MAP4K3: variants seen among roughly 807,000 people sequenced by gnomAD.
The protein encoded by MAP4K3 is MAPK/ERK kinase kinase kinase 3.
MAP4K3 carries 94 observed loss-of-function variants against 143.5 expected under a neutral mutation model. The observed-to-expected ratio is 0.65, with a 90% CI of 0.55 to 0.78. MAP4K3 has a LOEUF of 0.78. Ranked by LOEUF, MAP4K3 falls within the 30% of genes least tolerant of loss-of-function variation. The probability of loss-of-function intolerance (pLI) is 0.00; values close to 1 mark genes in which losing one functional copy is unlikely to be tolerated. For missense variants in MAP4K3, 1,077 were observed against 1,068.1 expected, an observed-to-expected ratio of 1.01 and a Z score of -0.12; for synonymous variants, 416 against 347.2, an observed-to-expected ratio of 1.20 and a Z score of -2.20.
intron 21 of MAP4K3, among the ~76,000 whole-genome samples, chr2:39,282,853 T>G (rs1681596691): frequency 6.6e-6 from 1 of 152,202 alleles, no homozygotes; most frequent in Non-Finnish European, 1.5e-5. Context: ...CATGTTCCCA[T>G]AGAAAATAGT....
intron 21 of MAP4K3, among the ~76,000 whole-genome samples, chr2:39,284,785 A>G (rs1174516740): frequency 6.6e-6 from 1 of 151,964 alleles, no homozygotes; most frequent in Non-Finnish European, 1.5e-5. Context: ...TGGAGGTTGC[A>G]GTGAGCCAAA....
chr2:39,278,813 T>C (rs1681386203), intron 23 of MAP4K3, among the ~76,000 whole-genome samples: 2 of 152,180 alleles, frequency 1.3e-5, no homozygotes, highest in African/African-American at 4.8e-5. Context: ...CAGGATCATG[T>C]GCAACTGACA....
At chr2:39,405,434 C>T (rs1256971619) in intron 1 of MAP4K3, among the ~76,000 whole-genome samples, 1 of 152,122 alleles carries the variant, frequency 6.6e-6, no homozygotes, top group East Asian at 1.9e-4. Context: ...ATCTGCAAGG[C>T]CTTCCCAAGA....
intron 15 of MAP4K3, among the ~76,000 whole-genome samples, chr2:39,307,343 A>G (rs1220347067): frequency 1.3e-5 from 2 of 152,122 alleles, no homozygotes; most frequent in African/African-American, 2.4e-5. Context: ...GACAGTATTT[A>G]TAACTTCAGG....
intron 1 of MAP4K3, among the ~76,000 whole-genome samples, chr2:39,411,670 T>C (rs1572501380): frequency 6.6e-6 from 1 of 152,326 alleles, no homozygotes; most frequent in African/African-American, 2.4e-5. Context: ...CAGTTCTAAG[T>C]GCATCAAGTA....
intron 24 of MAP4K3, among the ~76,000 whole-genome samples, chr2:39,276,314 T>A (rs905008563): frequency 1.3e-5 from 2 of 152,240 alleles, no homozygotes; most frequent in African/African-American, 4.8e-5. Flanking sequence ...TCTGTTACTG[T>A]CAGGCACCCA....
At chr2:39,428,141 T>A (rs1448887133) in intron 1 of MAP4K3, among the ~76,000 whole-genome samples, 1 of 152,244 alleles carries the variant, frequency 6.6e-6, no homozygotes, top group African/African-American at 2.4e-5. Flanking sequence ...CTTAGGCATG[T>A]TCCTTAGATG....
At position 39,288,265 on chromosome 2, in the gene MAP4K3, T is replaced by G. The variant is rs140890267; in HGVS notation, c.1330A>C (p.Ile444Leu). Residue 444 changes from isoleucine (I) to leucine (L), a missense_variant, in exon 20 of 34, where the codon ATA becomes CTA. Physicochemically the swap from Ile to Leu is conservative, Grantham distance 5. Transcript: ENST00000263881. Reference sequence around the variant, plus strand: ...TCAGTAGAATGCATTTCCTGTGGTATGAAGATAGACTTAGGCTGAAATAAT... The same window carrying G: ...TCAGTAGAATGCATTTCCTGTGGTAGGAAGATAGACTTAGGCTGAAATAAT... ...PLPPKPKSIFIPQEMHSTEDE... is the reference protein window; with the variant it reads ...PLPPKPKSIFLPQEMHSTEDE... 4.3e-5 allele frequency: 69 copies of G among 1,613,758 alleles called. No homozygotes were observed. The highest frequency in any genetic ancestry group is 5.8e-5 in the Non-Finnish European group (68 of 1,179,802).
At chr2:39,341,380 C>T (rs539046391) in intron 4 of MAP4K3, among the ~76,000 whole-genome samples, 12 of 152,050 alleles carry the variant, frequency 7.9e-5, no homozygotes, top group Admixed American at 2.0e-4. Flanking sequence ...TTCAGGAGGC[C>T]GGGCGTGGTA....
At chr2:39,295,845 A>C (rs1183292830) in intron 16 of MAP4K3, among the ~76,000 whole-genome samples, 1 of 151,038 alleles carries the variant, frequency 6.6e-6, no homozygotes, top group African/African-American at 2.4e-5. Flanking sequence ...CAGCCTCCCG[A>C]GTAGCTAGGA....
rs1256680448 is a variant in MAP4K3 at position 39,325,780 on chromosome 2, C to A, written c.757G>T (p.Ala253Ser). The A allele has an allele frequency of 6.2e-7, 1 of 1,609,410 alleles. No individual in the cohort carries two copies. The highest frequency in any genetic ancestry group is 8.5e-7 in the Non-Finnish European group (1 of 1,178,356). The stretch of plus-strand genomic sequence containing the variant: ...CTTTTTTTCGGATTTTTGGTAAGTG[C>A]CATTTTCACAAAGTGATGAAAACTA... ...SNSFHHFVKMALTKNPKKRPT... is the reference protein window; with the variant it reads ...SNSFHHFVKMSLTKNPKKRPT... The change falls in exon 11 of 34, where the codon GCA becomes TCA. Residue 253 changes from alanine to serine, a missense_variant. By Grantham distance (99) the Ala-to-Ser change is moderately conservative (BLOSUM62 1). Around this residue, in one of 2 missense-constraint regions of MAP4K3, gnomAD observed 864 missense variants for 801.2 expected, o/e 1.08. Transcript: ENST00000263881.
chr2:39,334,095 T>C (rs1472235056), intron 6 of MAP4K3, among the ~76,000 whole-genome samples: 1 of 152,000 alleles, frequency 6.6e-6, no homozygotes, highest in African/African-American at 2.4e-5. Flanking sequence ...TGAGGTTGTC[T>C]ATCCTAATGT....
At chr2:39,261,855 A>G (rs1161280180) in intron 28 of MAP4K3, among the ~76,000 whole-genome samples, 1 of 152,158 alleles carries the variant, frequency 6.6e-6, no homozygotes, top group Admixed American at 6.5e-5. Context: ...ATTAAATAAA[A>G]TTAGTTCTAA....
intron 1 of MAP4K3, among the ~76,000 whole-genome samples, chr2:39,379,241 C>T (rs1469777308): frequency 6.6e-6 from 1 of 152,002 alleles, no homozygotes; most frequent in Non-Finnish European, 1.5e-5. Flanking sequence ...AGATATGAGG[C>T]ACCGTCATTG....
intron 2 of MAP4K3, among the ~76,000 whole-genome samples, chr2:39,367,179 T>G (rs2148566308): frequency 6.6e-6 from 1 of 152,336 alleles, no homozygotes. Context: ...TTACATACAT[T>G]GTTACTGAAT....
intron 12 of MAP4K3, among the ~76,000 whole-genome samples, chr2:39,322,577 A>G (rs540550190): frequency 1.4e-5 from 2 of 140,898 alleles, no homozygotes; most frequent in Non-Finnish European, 3.1e-5. Flanking sequence ...CTTAAACTAG[A>G]CTTAGATGTG....
intron 8 of MAP4K3, among the ~76,000 whole-genome samples, chr2:39,326,659 T>C (rs779273397): frequency 2.4e-4 from 36 of 152,180 alleles, no homozygotes; most frequent in Non-Finnish European, 3.1e-4. Context: ...AGGGGCAGAA[T>C]GATATGGTTT....
intron 2 of MAP4K3, among the ~76,000 whole-genome samples, chr2:39,361,688 T>C (rs1160386233): frequency 6.6e-6 from 1 of 151,250 alleles, no homozygotes; most frequent in Non-Finnish European, 1.5e-5. Context: ...ATTTAAACAT[T>C]ATTTAAACTA....
At chr2:39,436,763 C>T (rs1052529964) in intron 1 of MAP4K3, 129 bp downstream of exon 1, 1 of 742,326 alleles carries the variant, frequency 1.3e-6, no homozygotes, top group African/African-American at 1.8e-5. Context: ...TTGGCGTCCG[C>T]AGCTCCTCCT....
Sources: allele counts gnomAD v4.1 joint callset (sites outside exome capture counted in the v4.1 genomes callset), GRCh38; gene constraint gnomAD v4.1.1; regional missense constraint gnomAD v4.1.1; transcripts MANE v1.5; gene names NCBI Gene and HGNC (gene_info 2026-07-23, HGNC 2026-07-21).